CUL5: variants seen among roughly 807,000 people sequenced by gnomAD.
CUL5 encodes the protein cullin-5.
In CUL5, 26 loss-of-function variants were observed where a neutral mutation model predicts 108.8. That is an observed-to-expected ratio of 0.24 (90% confidence interval 0.18 to 0.33). The LOEUF is 0.33. CUL5 is among the 10% of genes least tolerant of loss of function. The pLI, the probability that CUL5 is intolerant of heterozygous loss-of-function variation, is 1.00. For missense variants in CUL5, 524 were observed against 909.2 expected (o/e 0.58, Z 5.45); for synonymous variants, 334 against 298.0 (o/e 1.12, Z -1.25).
intron 11 of CUL5, among the ~76,000 whole-genome samples, chr11:108,081,738 C>A (rs772920398): frequency 6.6e-6 from 1 of 151,988 alleles, no homozygotes; most frequent in Non-Finnish European, 1.5e-5. Flanking sequence ...GGTGAGAGTG[C>A]GAGTCTCCGT....
At chr11:108,076,262 G>A (rs1053983327) in intron 10 of CUL5, among the ~76,000 whole-genome samples, 8 of 152,034 alleles carry the variant, frequency 5.3e-5, no homozygotes, top group African/African-American at 7.2e-5. Flanking sequence ...TTGAACTCCT[G>A]GGCTCAAGCG....
chr11:108,030,968 A>G (rs1225122660), intron 1 of CUL5, among the ~76,000 whole-genome samples: 2 of 152,152 alleles, frequency 1.3e-5, no homozygotes, highest in African/African-American at 2.4e-5. Context: ...TATGTTGACA[A>G]ACTGTTTCAG....
At chr11:108,103,370 G>C (rs751059201) in intron 18 of CUL5, among the ~76,000 whole-genome samples, 3 of 151,246 alleles carry the variant, frequency 2.0e-5, no homozygotes, top group Non-Finnish European at 4.4e-5. Context: ...GACCAACCTG[G>C]ACAACATAGC....
intron 1 of CUL5, among the ~76,000 whole-genome samples, chr11:108,025,160 T>C (rs1215878290): frequency 6.6e-6 from 1 of 152,210 alleles, no homozygotes; most frequent in African/African-American, 2.4e-5. Flanking sequence ...TTAAAAAATA[T>C]TTCTATGATG....
chr11:108,086,981 T>C (rs966449008), intron 11 of CUL5, among the ~76,000 whole-genome samples: 6 of 152,214 alleles, frequency 3.9e-5, no homozygotes, highest in African/African-American at 9.7e-5. Flanking sequence ...TTTATTTTTT[T>C]CATTCCTCAC....
intron 10 of CUL5, 28 bp from the exon 11 acceptor site, chr11:108,078,148 A>T (rs777671954): frequency 7.6e-7 from 1 of 1,320,428 alleles, no homozygotes; most frequent in Non-Finnish European, 1.1e-6. Context: ...AATATTAAAA[A>T]TATTTTATTC....
chr11:108,050,441 A>G (rs1475649678), intron 4 of CUL5, among the ~76,000 whole-genome samples: 1 of 150,862 alleles, frequency 6.6e-6, no homozygotes, highest in African/African-American at 2.4e-5. Flanking sequence ...CAGTCTGCTC[A>G]CTGCAACCTC....
chr11:108,057,573 C>G lies in CUL5; in HGVS notation c.780+2618C>G, dbSNP rs145955702. On this transcript the variant is annotated intron_variant, in intron 7 of 18. Coordinates refer to ENST00000393094, the MANE Select transcript of CUL5 (RefSeq NM_003478.6). ...ACTGTAATAATGAGGAAAGATTAAACAATCGCAAATTGATAGCCTACAAAA... is the reference window on the plus strand; with the variant it reads ...ACTGTAATAATGAGGAAAGATTAAAGAATCGCAAATTGATAGCCTACAAAA... 1.9e-3 allele frequency among the ~76,000 whole-genome samples: 282 copies of G among 152,242 alleles called. 1 individual carries two copies. Among genetic ancestry groups the G allele is most frequent in the Middle Eastern group, 3.4e-3 (1 of 294 alleles).
In CUL5 at chr11:108,052,751, T is replaced by G. The variant is rs1036670726; in HGVS notation, c.503T>G (p.Leu168Trp). The G allele has an allele frequency of 3.7e-6, 6 of 1,613,706 alleles. No homozygotes were observed. Among genetic ancestry groups the G allele is most frequent in the Non-Finnish European group, 4.2e-6 (5 of 1,179,798 alleles). Residue 168 changes from leucine to tryptophan, a missense_variant, in exon 5 of 19, where the codon TTG (leucine) becomes TGG (tryptophan). By Grantham distance (61) the Leu-to-Trp change is moderately conservative (BLOSUM62 -2). Coordinates refer to ENST00000393094, the MANE Select transcript of CUL5 (RefSeq NM_003478.6). ...SAMKLVHAER[L>W]GEAFDSQLVI... ...ATGAAGCTGGTACATGCTGAGAGAT[T>G]GGGAGAAGCTTTTGATTCTCAGCTG...
intron 2 of CUL5, among the ~76,000 whole-genome samples, chr11:108,040,179 C>G (rs1862858648): frequency 6.6e-6 from 1 of 152,166 alleles, no homozygotes; most frequent in Non-Finnish European, 1.5e-5. Context: ...TAGCATGTTC[C>G]CTTTTAAAAG....
At chr11:108,092,286 G>T (rs771498228) in intron 13 of CUL5, among the ~76,000 whole-genome samples, 13 of 152,322 alleles carry the variant, frequency 8.5e-5, no homozygotes, top group Middle Eastern at 3.4e-3. Flanking sequence ...AGACACTTTG[G>T]AAAACTGTTG....
chr11:108,096,827 A>G (rs565080617), intron 16 of CUL5, among the ~76,000 whole-genome samples: 34 of 152,082 alleles, frequency 2.2e-4, no homozygotes, highest in African/African-American at 8.0e-4. Flanking sequence ...CGGCCTCCCA[A>G]AATGCTGGGA....
At chr11:108,036,758 C>T (rs919182729) in intron 2 of CUL5, among the ~76,000 whole-genome samples, 1 of 152,318 alleles carries the variant, frequency 6.6e-6, no homozygotes, top group South Asian at 2.1e-4. Context: ...GGATTACAGG[C>T]GTGAGCCACG....
chr11:108,039,929 T>C (rs1862850863), intron 2 of CUL5, among the ~76,000 whole-genome samples: 3 of 152,360 alleles, frequency 2.0e-5, no homozygotes, highest in Non-Finnish European at 4.4e-5. Flanking sequence ...GTTAGAAGCA[T>C]GTGATTGTCC....
rs193289172 is a variant in CUL5, at chr11:108,103,924, C to T, written c.2149-266C>T. On this transcript the variant is annotated intron_variant, in intron 18 of 18. Coordinates refer to ENST00000393094, the MANE Select transcript of CUL5 (RefSeq NM_003478.6). ...GCTGCACCCATCAACCCGTCATCTA[C>T]ATGAGGTGTTTCTCCTAATGCTTAT... is the stretch of plus-strand genomic sequence containing the variant. 2.7e-3 allele frequency among the ~76,000 whole-genome samples: 417 copies of T among 152,230 alleles called. 1 individual carries two copies. Among genetic ancestry groups the T allele is most frequent in the African/African-American group, 9.5e-3 (396 of 41,536 alleles).
chr11:108,026,480 G>A (rs1213466025), intron 1 of CUL5, among the ~76,000 whole-genome samples: 5 of 152,066 alleles, frequency 3.3e-5, no homozygotes, highest in African/African-American at 4.8e-5. Flanking sequence ...AGAGTCGTAC[G>A]ACATCTATCC....
intron 11 of CUL5, among the ~76,000 whole-genome samples, chr11:108,079,349 G>A (rs558914381): frequency 1.5e-3 from 226 of 152,008 alleles, no homozygotes; most frequent in South Asian, 5.4e-3. Flanking sequence ...CAAGTGATCC[G>A]CCCACCTCAG....
intron 7 of CUL5, among the ~76,000 whole-genome samples, chr11:108,056,776 G>T (rs1374760269): frequency 6.6e-6 from 1 of 152,134 alleles, no homozygotes; most frequent in Non-Finnish European, 1.5e-5. Flanking sequence ...AGACCAAGTA[G>T]AGTTACAGAA....
intron 1 of CUL5, 36 bp downstream of exon 1, chr11:108,009,408 G>T (rs1862001981): frequency 6.2e-7 from 1 of 1,612,072 alleles, no homozygotes; most frequent in African/African-American, 1.3e-5. Flanking sequence ...TTTACTGTGT[G>T]GCCGCCGGGT....
Sources: allele counts gnomAD v4.1 joint callset (sites outside exome capture counted in the v4.1 genomes callset), GRCh38; gene constraint gnomAD v4.1.1; transcripts MANE v1.5; gene names NCBI Gene and HGNC (gene_info 2026-07-23, HGNC 2026-07-21).